KCMF1: variants seen among roughly 807,000 people sequenced by gnomAD.
KCMF1 encodes the protein potassium channel modulatory factor 1.
KCMF1 carries 3 observed loss-of-function variants against 41.1 expected under a neutral mutation model. The ratio of observed to expected loss-of-function variants is 0.07; its 90% CI spans 0.03 to 0.19. The LOEUF is 0.19. Among genes scored for constraint, KCMF1 ranks in the 10% least tolerant of loss-of-function variants. The pLI, the probability that KCMF1 is intolerant of heterozygous loss-of-function variation, is 1.00. For missense variants in KCMF1, 286 were observed against 488.9 expected (o/e 0.58, Z 3.91); for synonymous variants, 142 against 164.5 (o/e 0.86, Z 1.04).
intron 3 of KCMF1, among the ~76,000 whole-genome samples, chr2:85,037,464 A>G (rs1366560895): frequency 6.6e-6 from 1 of 152,146 alleles, no homozygotes; most frequent in Non-Finnish European, 1.5e-5. Flanking sequence ...ATGCCATACC[A>G]GTTGTTAAGT....
At chr2:85,006,523 A>G (rs1674477191) in intron 1 of KCMF1, among the ~76,000 whole-genome samples, 3 of 151,538 alleles carry the variant, frequency 2.0e-5, no homozygotes, top group Admixed American at 6.6e-5. Flanking sequence ...GATGATCTCG[A>G]TCTTCTGACC....
At chr2:84,997,147 T>TA (rs1470041487) in intron 1 of KCMF1, among the ~76,000 whole-genome samples, 12 of 152,234 alleles carry the variant, frequency 7.9e-5, no homozygotes, top group African/African-American at 2.9e-4. Context: ...GCGTGACAAC[T>TA]ACTCAGTCAT....
intron 2 of KCMF1, among the ~76,000 whole-genome samples, chr2:85,033,803 C>CTTAT (rs1675344565): frequency 6.6e-6 from 1 of 152,174 alleles, no homozygotes; most frequent in Non-Finnish European, 1.5e-5. Context: ...GAAAAAAAGA[C>CTTAT]TTATTCCTTC....
At chr2:85,034,877 C>T in intron 2 of KCMF1, 139 bp from the exon 3 acceptor site, 1 of 647,316 alleles carries the variant, frequency 1.5e-6, no homozygotes, top group Non-Finnish European at 2.5e-6. Flanking sequence ...CCACCTTGTC[C>T]TCCCAACGTG....
At chr2:85,009,079 A>T (rs1558574041) in intron 1 of KCMF1, among the ~76,000 whole-genome samples, 1 of 151,994 alleles carries the variant, frequency 6.6e-6, no homozygotes, top group Admixed American at 6.6e-5. Context: ...CTGTATCCCC[A>T]CCCAAATCCC....
chr2:85,023,250 T>C (rs1674994047), intron 1 of KCMF1, among the ~76,000 whole-genome samples: 1 of 151,826 alleles, frequency 6.6e-6, no homozygotes, highest in African/African-American at 2.4e-5. Context: ...TTACCGTTGC[T>C]GTGATTCATT....
At position 85,057,360 on chromosome 2, in the gene KCMF1, A is replaced by G. The variant is rs1206445921; in HGVS notation, c.*3951A>G. On this transcript the variant is annotated 3_prime_UTR_variant, in exon 7 of 7. Coordinates refer to ENST00000409785, the MANE Select transcript of KCMF1 (RefSeq NM_020122.5). ...TGGGGGTGGGCAGGTGGAAGGGAAG[A>G]GGCTGGGGAGGAGCCTCTCATCTCA... 4 of 152,142 alleles carry G rather than the reference A, an allele frequency of 2.6e-5. No homozygotes were observed. Among genetic ancestry groups the G allele is most frequent in the Admixed American group, 6.6e-5 (1 of 15,250 alleles). 9.4% of individuals were successfully genotyped at this position (152,142 alleles called of 1,614,324 possible). A position where few individuals can be genotyped will look rare whatever the true frequency, so the allele number is the denominator to read the frequency against.
At chr2:85,017,161 A>G (rs1392514619) in intron 1 of KCMF1, among the ~76,000 whole-genome samples, 1 of 151,456 alleles carries the variant, frequency 6.6e-6, no homozygotes, top group East Asian at 1.9e-4. Context: ...AGTAGCTGGG[A>G]CTACAGGCGC....
chr2:85,040,709 G>C (rs1178867188), intron 3 of KCMF1, among the ~76,000 whole-genome samples: 27 of 151,928 alleles, frequency 1.8e-4, no homozygotes, highest in Non-Finnish European at 2.9e-5. Context: ...TGTGACCCAA[G>C]TGTGGCAACA....
intron 2 of KCMF1, among the ~76,000 whole-genome samples, chr2:85,029,627 C>CAGTTGATT (rs1282296234): frequency 6.8e-6 from 1 of 146,258 alleles, no homozygotes; most frequent in East Asian, 2.0e-4. Context: ...ATTGTTTCTA[C>CAGTTGATT]AGTTGATTAG....
At chr2:85,032,114 A>T (rs2104035405) in intron 2 of KCMF1, among the ~76,000 whole-genome samples, 1 of 152,062 alleles carries the variant, frequency 6.6e-6, no homozygotes, top group Non-Finnish European at 1.5e-5. Context: ...TAGATCTCAT[A>T]TCCTACAGTG....
chr2:85,007,239 T>C (rs537401462), intron 1 of KCMF1, among the ~76,000 whole-genome samples: 1 of 152,272 alleles, frequency 6.6e-6, no homozygotes, highest in East Asian at 1.9e-4. Flanking sequence ...CTGAGCCACA[T>C]ATTGTTTAGT....
At chr2:85,018,465 TTGCCATGTTGGCCAG>T (rs1674843336) in intron 1 of KCMF1, among the ~76,000 whole-genome samples, 1 of 152,156 alleles carries the variant, frequency 6.6e-6, no homozygotes, top group Non-Finnish European at 1.5e-5. Context: ...AGATGGGGTT[TTGCCATGTTGGCCAG>T]GCTGGTCTCG....
chr2:84,979,678 T>A (rs922922450), intron 1 of KCMF1, among the ~76,000 whole-genome samples: 1 of 152,168 alleles, frequency 6.6e-6, no homozygotes, highest in African/African-American at 2.4e-5. Context: ...ATTAATTTTT[T>A]AATTAATTTT....
chr2:85,049,728 TG>T lies in KCMF1; in HGVS notation c.884+81del. The stretch of plus-strand genomic sequence containing the variant: ...CAGTCTGGAATTATCTTTTCTCTTT[TG>T]TGCATTATATTTCTTTAAAATTTTG... On this transcript the variant is annotated intron_variant, in intron 6 of 6. Coordinates refer to ENST00000409785, the MANE Select transcript of KCMF1 (RefSeq NM_020122.5). 4 of 1,175,732 alleles carry T rather than the reference TG, an allele frequency of 3.4e-6. No homozygotes were observed. In the South Asian group the frequency reaches 6.2e-5, roughly 18 times the overall value. The allele number at this position is 1,175,732 out of a possible 1,614,324, so 72.8% of individuals were successfully genotyped here.
intron 1 of KCMF1, among the ~76,000 whole-genome samples, chr2:84,998,997 TCCACCCAC>T (rs1302955263): frequency 7.8e-6 from 1 of 127,874 alleles, no homozygotes; most frequent in Non-Finnish European, 1.6e-5. Context: ...TACCTATCTG[TCCACCCAC>T]CCACCCACCC....
chr2:85,008,321 C>CATATATAATATGATATATA (rs1558573483), intron 1 of KCMF1, among the ~76,000 whole-genome samples: 23 of 43,954 alleles, frequency 5.2e-4, no homozygotes, highest in East Asian at 2.6e-3. Flanking sequence ...ATATATATAT[C>CATATATAATATGATATATA]ATATATAATA....
intron 1 of KCMF1, among the ~76,000 whole-genome samples, chr2:85,001,269 C>T (rs1009573263): frequency 1.3e-4 from 19 of 151,798 alleles, no homozygotes; most frequent in African/African-American, 4.6e-4. Context: ...GTGATTCTTC[C>T]ACCTCAGCCT....
chr2:85,014,559 G>C (rs1451650004), intron 1 of KCMF1, among the ~76,000 whole-genome samples: 2 of 151,132 alleles, frequency 1.3e-5, no homozygotes, highest in East Asian at 3.9e-4. Context: ...TTCTTTTTTT[G>C]GGAAAGTTGG....
Sources: gnomAD v4.1 joint callset for allele counts (sites outside exome capture counted in the v4.1 genomes callset) on GRCh38, gnomAD v4.1.1 for gene constraint, MANE v1.5 for transcripts, NCBI Gene and HGNC (gene_info 2026-07-23, HGNC 2026-07-21) for gene names.